The following PCDH15 variants were observed in gnomAD, a reference collection of about 807,000 sequenced individuals.
PCDH15 encodes the protein protocadherin related 15.
In PCDH15, 129 loss-of-function variants were observed where a neutral mutation model predicts 178.5. The observed-to-expected ratio is 0.72, with a 90% confidence interval of 0.63 to 0.84. PCDH15 has a LOEUF of 0.84. Among genes scored for constraint, PCDH15 ranks in the 40% least tolerant of loss-of-function variants. PCDH15 has a pLI of 0.00. For missense variants in PCDH15, 2,230 were observed against 2,099.9 expected (o/e 1.06, Z -1.21); for synonymous variants, 800 against 732.0 (o/e 1.09, Z -1.50).
chr10:55,622,904 T>G (rs1837436683), intron 2 of PCDH15, among the ~76,000 whole-genome samples: 1 of 152,134 alleles, frequency 6.6e-6, no homozygotes, highest in African/African-American at 2.4e-5. Context: ...CAGAGCTGTC[T>G]TCTAGTCTAA....
At chr10:55,585,905 C>T (rs1842718960) in intron 2 of PCDH15, among the ~76,000 whole-genome samples, 2 of 152,002 alleles carry the variant, frequency 1.3e-5, no homozygotes, top group South Asian at 4.1e-4. Flanking sequence ...AATTGTTGAT[C>T]TTAATCTGCT....
intron 8 of PCDH15, among the ~76,000 whole-genome samples, chr10:54,259,665 T>C (rs2132264775): frequency 6.6e-6 from 1 of 152,302 alleles, no homozygotes; most frequent in Admixed American, 6.5e-5. Flanking sequence ...CAGCAAAAAC[T>C]AGGGCATTAC....
rs1953300477 is a variant in PCDH15 at position 54,835,501 on chromosome 10, T to C, written c.-29+61949A>G. On this transcript the variant is annotated intron_variant, in intron 3 of 5. Coordinates refer to the PCDH15 transcript ENST00000458638. The stretch of plus-strand genomic sequence containing the variant: ...TTCCATAAGTATACACATATTCTCC[T>C]ACAGTCATAGACACAGTTCCCCAGT... Among the ~76,000 whole-genome samples, 3 of 152,132 alleles carry C rather than the reference T, an allele frequency of 2.0e-5. No homozygotes were observed. In the South Asian group the frequency reaches 6.2e-4, roughly 32 times the overall value.
chr10:54,753,279 G>A (rs1161930517), intron 1 of PCDH15, among the ~76,000 whole-genome samples: 2 of 151,992 alleles, frequency 1.3e-5, no homozygotes, highest in Non-Finnish European at 2.9e-5. Flanking sequence ...TGCCTCCCAG[G>A]TTCAAGTGAT....
intron 8 of PCDH15, among the ~76,000 whole-genome samples, chr10:54,237,292 C>T (rs997698863): frequency 2.0e-5 from 3 of 152,020 alleles, no homozygotes; most frequent in Non-Finnish European, 2.9e-5. Context: ...TTGCTTTAGA[C>T]AAGATTTGTA....
intron 23 of PCDH15, among the ~76,000 whole-genome samples, chr10:53,945,552 T>A (rs993202791): frequency 1.3e-5 from 2 of 151,978 alleles, no homozygotes; most frequent in South Asian, 4.1e-4. Context: ...GACAAATATC[T>A]CCCCAATCCT....
At chr10:55,113,748 G>C (rs1342079729) in intron 2 of PCDH15, among the ~76,000 whole-genome samples, 5 of 152,066 alleles carry the variant, frequency 3.3e-5, no homozygotes. Flanking sequence ...CCACAAGGCA[G>C]TTAATCTAAA....
chr10:53,975,977 T>A (rs573383715), intron 21 of PCDH15, among the ~76,000 whole-genome samples: 1 of 152,216 alleles, frequency 6.6e-6, no homozygotes, highest in Non-Finnish European at 1.5e-5. Context: ...AGTTTCATTC[T>A]TCTGCATATG....
chr10:54,813,893 T>A (rs1952906618), intron 3 of PCDH15, among the ~76,000 whole-genome samples: 1 of 152,308 alleles, frequency 6.6e-6, no homozygotes, highest in South Asian at 2.1e-4. Flanking sequence ...TTTTCAAAAT[T>A]TATTTTATTC....
chr10:54,385,922 A>G (rs1949862818), intron 3 of PCDH15, among the ~76,000 whole-genome samples: 1 of 152,176 alleles, frequency 6.6e-6, no homozygotes, highest in South Asian at 2.1e-4. Context: ...ATCATTGCAT[A>G]AATGTTTCAC....
intron 15 of PCDH15, among the ~76,000 whole-genome samples, chr10:54,104,205 G>C (rs2094865729): frequency 6.6e-6 from 1 of 152,128 alleles, no homozygotes; most frequent in African/African-American, 2.4e-5. Flanking sequence ...AGAGAGAGGA[G>C]GTTTCCACGA....
intron 1 of PCDH15, among the ~76,000 whole-genome samples, chr10:55,168,315 T>C (rs1313303748): frequency 6.6e-6 from 1 of 152,176 alleles, no homozygotes; most frequent in Non-Finnish European, 1.5e-5. Flanking sequence ...AGAACAAATT[T>C]GGAAAACTCT....
chr10:55,582,823 A>G (rs1214201149), intron 2 of PCDH15, among the ~76,000 whole-genome samples: 2 of 151,686 alleles, frequency 1.3e-5, no homozygotes, highest in Non-Finnish European at 1.5e-5. Context: ...GAACAGAAAG[A>G]GTTATTGATG....
At chr10:54,172,229 G>A (rs1045680111) in intron 13 of PCDH15, among the ~76,000 whole-genome samples, 2 of 152,100 alleles carry the variant, frequency 1.3e-5, no homozygotes, top group Non-Finnish European at 2.9e-5. Context: ...CTTGCCTTAA[G>A]TGATGACTTT....
chr10:54,048,830 A>G (rs914086436), intron 18 of PCDH15, among the ~76,000 whole-genome samples: 20 of 150,932 alleles, frequency 1.3e-4, no homozygotes, highest in African/African-American at 4.6e-4. Flanking sequence ...TCTGCTTAAG[A>G]TCGCTTTGGC....
chr10:54,508,551 T>C (rs765716378), intron 3 of PCDH15, among the ~76,000 whole-genome samples: 1 of 152,134 alleles, frequency 6.6e-6, no homozygotes, highest in Non-Finnish European at 1.5e-5. Flanking sequence ...TTGGTCTACA[T>C]TTGGGCAAAA....
intron 2 of PCDH15, among the ~76,000 whole-genome samples, chr10:55,128,359 G>A (rs777222627): frequency 6.6e-6 from 1 of 151,790 alleles, no homozygotes; most frequent in African/African-American, 2.4e-5. Context: ...TATAATAAAA[G>A]CCTGTTTGTT....
At chr10:55,590,407 A>G (rs867056792) in intron 2 of PCDH15, among the ~76,000 whole-genome samples, 1 of 151,910 alleles carries the variant, frequency 6.6e-6, no homozygotes. Flanking sequence ...GCACATGTAT[A>G]CATATGTAAC....
intron 2 of PCDH15, among the ~76,000 whole-genome samples, chr10:54,599,040 G>A (rs1298479186): frequency 6.6e-6 from 1 of 151,924 alleles, no homozygotes; most frequent in Non-Finnish European, 1.5e-5. Flanking sequence ...TGGTTAAAAT[G>A]ACCATATTGC....
Sources: allele counts gnomAD v4.1 joint callset (sites outside exome capture counted in the v4.1 genomes callset), GRCh38; gene constraint gnomAD v4.1.1; transcripts MANE v1.5; gene names NCBI Gene and HGNC (gene_info 2026-07-23, HGNC 2026-07-21).